Variants in ATP6V0A2 observed in about 807,000 individuals in gnomAD.
ATP6V0A2 encodes the protein V-type proton ATPase 116 kDa subunit a 2.
Under a neutral mutation model 104.4 loss-of-function variants are expected in ATP6V0A2, and 58 were observed. That is an observed-to-expected ratio of 0.56 (90% CI 0.45 to 0.69). The LOEUF (loss-of-function observed/expected upper bound fraction) is 0.69. ATP6V0A2 is among the 30% of genes least tolerant of loss of function. The pLI is 0.00. For synonymous variants in ATP6V0A2, 376 were observed against 397.9 expected, an observed-to-expected ratio of 0.95 and a Z score of 0.65; for missense variants, 938 against 1,062.9, an observed-to-expected ratio of 0.88 and a Z score of 1.63.
intron 9 of ATP6V0A2, 75 bp from the exon 10 acceptor site, chr12:123,743,710 C>A: frequency 1.3e-6 from 2 of 1,540,760 alleles, no homozygotes; most frequent in Non-Finnish European, 1.8e-6. Context: ...AAAGCAGTAA[C>A]CCAGATTCGT....
chr12:123,751,221 G>A lies in ATP6V0A2; in HGVS notation c.2047G>A (p.Val683Met). The part of the protein sequence containing the change: ...WLHNGRSCFG[V>M]NRSGYTLIRK... ...TCACAATGGGCGTAGTTGCTTCGGG[G>A]TGAACCGGGTAAGTGCGGGTTTGGA... Residue 683 changes from valine to methionine, a missense_variant, in exon 16 of 20, where the codon GTG becomes ATG. Transcript: ENST00000330342. The A allele has an allele frequency of 6.2e-7, 1 of 1,614,188 alleles. No homozygotes were observed. The highest frequency in any genetic ancestry group is 8.5e-7 in the Non-Finnish European group (1 of 1,180,032).
chr12:123,739,994 A>G (rs1455765556), intron 9 of ATP6V0A2, among the ~76,000 whole-genome samples: 2 of 152,062 alleles, frequency 1.3e-5, no homozygotes, highest in Non-Finnish European at 2.9e-5. Flanking sequence ...GTTAAACCGC[A>G]TCTCTACAAA....
chr12:123,722,535 C>T, intron 3 of ATP6V0A2, 87 bp downstream of exon 3: 1 of 825,808 alleles, frequency 1.2e-6, no homozygotes, highest in Non-Finnish European at 2.1e-6. Flanking sequence ...TGCTTTTCTG[C>T]CTTTCTTCTC....
rs545267122 is a variant in ATP6V0A2, at chr12:123,752,170, T to A, written c.2056-113T>A. 1.8e-4 allele frequency: 269 copies of A among 1,485,848 alleles called. 1 individual carries two copies. The East Asian group carries it at 5.7e-3, about 32-fold the overall frequency. 92.0% of individuals were successfully genotyped at this position (1,485,848 alleles called of 1,614,324 possible). On this transcript the variant is annotated intron_variant, in intron 16 of 19. Coordinates refer to ENST00000330342, the MANE Select transcript of ATP6V0A2 (RefSeq NM_012463.4). The stretch of plus-strand genomic sequence containing the variant: ...CCACTGTGCCTAGCCTAAAGAACTT[T>A]TTTATTCTCAAAGAGCTGAATCATT...
chr12:123,752,007 C>T (rs1450183035), intron 16 of ATP6V0A2, among the ~76,000 whole-genome samples: 1 of 151,844 alleles, frequency 6.6e-6, no homozygotes, highest in Non-Finnish European at 1.5e-5. Context: ...TACAGGCGCC[C>T]GCCACCACGC....
intron 9 of ATP6V0A2, among the ~76,000 whole-genome samples, chr12:123,740,607 T>C (rs994072333): frequency 6.6e-6 from 1 of 152,218 alleles, no homozygotes; most frequent in African/African-American, 2.4e-5. Flanking sequence ...TCCTGAATTA[T>C]AGTTTTTGGT....
rs538974425 is a variant in ATP6V0A2, at chr12:123,717,314, CA to C, written c.118-1287del. Among the ~76,000 whole-genome samples, 812 of 106,826 alleles carry C rather than the reference CA, an allele frequency of 7.6e-3. 3 individuals are homozygous for C. The highest frequency in any genetic ancestry group is 0.026 in the African/African-American group (692 of 26,710). The allele number at this position is 106,826 out of a possible 152,430, so 70.1% of individuals were successfully genotyped here. ...TGGGCAACAGAGCGAAACTCTGTCTCAAAAAAAAAAAAAAAAAAAAAAGAGA... is the reference window on the plus strand; with the variant it reads ...TGGGCAACAGAGCGAAACTCTGTCTCAAAAAAAAAAAAAAAAAAAAAGAGA... On this transcript the variant is annotated intron_variant, in intron 1 of 19. Coordinates refer to ENST00000330342, the MANE Select transcript of ATP6V0A2 (RefSeq NM_012463.4).
chr12:123,714,506 T>G (rs758888757), intron 1 of ATP6V0A2, among the ~76,000 whole-genome samples: 1 of 152,138 alleles, frequency 6.6e-6, no homozygotes, highest in Non-Finnish European at 1.5e-5. Context: ...GTCATTCAGC[T>G]GATGGGGAGG....
chr12:123,740,714 C>T (rs965473365), intron 9 of ATP6V0A2, among the ~76,000 whole-genome samples: 1 of 152,126 alleles, frequency 6.6e-6, no homozygotes, highest in African/African-American at 2.4e-5. Flanking sequence ...CTGTCACTTT[C>T]CTTTGAATCC....
chr12:123,729,671 G>C (rs931662395), intron 6 of ATP6V0A2, among the ~76,000 whole-genome samples: 4 of 152,106 alleles, frequency 2.6e-5, no homozygotes, highest in African/African-American at 2.4e-5. Context: ...TCTACTAAAG[G>C]TGGAAAAGGA....
At position 123,759,652 on chromosome 12, in the gene ATP6V0A2, T is replaced by A. The variant is rs189881056; in HGVS notation, c.*1620T>A. 14 of 152,310 alleles carry A rather than the reference T, an allele frequency of 9.2e-5. No homozygotes were observed. The highest frequency in any genetic ancestry group is 7.4e-5 in the Non-Finnish European group (5 of 68,024). The allele number at this position is 152,310 out of a possible 1,614,324, so 9.4% of individuals were successfully genotyped here. A position where few individuals can be genotyped will look rare whatever the true frequency, so the allele number is the denominator to read the frequency against. On this transcript the variant is annotated 3_prime_UTR_variant, in exon 20 of 20. Coordinates refer to ENST00000330342, the MANE Select transcript of ATP6V0A2 (RefSeq NM_012463.4). The stretch of plus-strand genomic sequence containing the variant: ...TGCCCGCATCCTCCTCTATCCTGTT[T>A]CGAGGTAGAGAGCTTGGCACTTCTG...
At chr12:123,727,703 GAAGTCTTCATCATTCTTAA>G in intron 5 of ATP6V0A2, 61 bp from the exon 6 acceptor site, 1 of 1,560,738 alleles carries the variant, frequency 6.4e-7, no homozygotes, top group East Asian at 2.2e-5. Context: ...TGGTAGAAAT[GAAGTCTTCATCATTCTTAA>G]TGTAGTTTGA....
intron 16 of ATP6V0A2, among the ~76,000 whole-genome samples, chr12:123,751,610 C>T (rs1353683102): frequency 1.3e-5 from 2 of 151,762 alleles, no homozygotes; most frequent in East Asian, 1.9e-4. Context: ...GTTGTGATCA[C>T]GCCACTGCAC....
At chr12:123,750,711 C>T (rs1417110503) in intron 15 of ATP6V0A2, 3 of 260,538 alleles carry the variant, frequency 1.2e-5, no homozygotes, top group African/African-American at 4.4e-5. Flanking sequence ...CTGATTCACA[C>T]TCATAGTCCT....
intron 18 of ATP6V0A2, chr12:123,754,896 A>G (rs547873910): frequency 3.3e-6 from 1 of 305,468 alleles, no homozygotes; most frequent in South Asian, 4.2e-5. Context: ...TAGTTATTTC[A>G]TTCACTGCTG....
At chr12:123,728,018 C>T in intron 6 of ATP6V0A2, 109 bp downstream of exon 6, 1 of 1,430,126 alleles carries the variant, frequency 7.0e-7, no homozygotes, top group Non-Finnish European at 9.7e-7. Flanking sequence ...AAGTTGTTAA[C>T]CTGATGCCTT....
intron 5 of ATP6V0A2, 67 bp from the exon 6 acceptor site, chr12:123,727,716 T>C: frequency 1.9e-6 from 3 of 1,595,914 alleles, no homozygotes; most frequent in Non-Finnish European, 2.6e-6. Flanking sequence ...GTCTTCATCA[T>C]TCTTAATGTA....
intron 1 of ATP6V0A2, among the ~76,000 whole-genome samples, chr12:123,715,328 T>C (rs921569512): frequency 6.6e-6 from 1 of 152,198 alleles, no homozygotes; most frequent in Non-Finnish European, 1.5e-5. Flanking sequence ...CTAGATTGTG[T>C]CTGAATCATT....
chr12:123,754,279 G>A (rs143316847), intron 17 of ATP6V0A2, 141 bp from the exon 18 acceptor site: 2 of 714,696 alleles, frequency 2.8e-6, no homozygotes, highest in East Asian at 2.6e-5. Context: ...TGGGGTTTCT[G>A]TTCCTCACAC....
Sources: allele counts gnomAD v4.1 joint callset (sites outside exome capture counted in the v4.1 genomes callset), GRCh38; gene constraint gnomAD v4.1.1; transcripts MANE v1.5; gene names NCBI Gene and HGNC (gene_info 2026-07-23, HGNC 2026-07-21).